MPHOSPH8: variants seen among roughly 807,000 people sequenced by gnomAD.
MPHOSPH8 encodes the protein M-phase phosphoprotein, mpp.
Under a neutral mutation model 87.3 loss-of-function variants are expected in MPHOSPH8, and 45 were observed. The observed-to-expected ratio is 0.52, with a 90% CI of 0.41 to 0.66. MPHOSPH8 has a LOEUF of 0.66. Among genes scored for constraint, MPHOSPH8 ranks in the 30% least tolerant of loss-of-function variants. MPHOSPH8 has a pLI of 0.00. For missense variants in MPHOSPH8, 883 were observed against 1,020.2 expected (o/e 0.87, Z 1.83); for synonymous variants, 366 against 376.9 (o/e 0.97, Z 0.33).
intron 5 of MPHOSPH8, among the ~76,000 whole-genome samples, chr13:19,654,206 C>T (rs972216030): frequency 1.3e-5 from 2 of 152,194 alleles, no homozygotes; most frequent in Non-Finnish European, 2.9e-5. Context: ...ACATCATTCT[C>T]AGCAAACTAA....
intron 5 of MPHOSPH8, among the ~76,000 whole-genome samples, chr13:19,652,181 G>A (rs1017104264): frequency 6.6e-6 from 1 of 152,222 alleles, no homozygotes; most frequent in African/African-American, 2.4e-5. Context: ...AATTCTCAGC[G>A]AGATTGACAC....
At position 19,671,871 on chromosome 13, in the gene MPHOSPH8, A is replaced by G; in HGVS notation, c.2579A>G (p.Gln860Arg). The G allele has an allele frequency of 1.2e-6, 2 of 1,614,126 alleles. No homozygotes were observed. The highest frequency in any genetic ancestry group is 1.7e-6 in the Non-Finnish European group (2 of 1,179,928). The change falls in exon 14 of 14, where the codon CAG becomes CGG. Residue 860 changes from glutamine to arginine, a missense_variant. Transcript: ENST00000361479. ...LLIGAYRVQLQ is the reference protein window; with the variant it reads ...LLIGAYRVQLR ...ATAGGTGCATACAGAGTGCAGCTGC[A>G]GTGACCAAACAGAAGGGACTGGGCG...
At position 19,647,297 on chromosome 13, in the gene MPHOSPH8, G is replaced by C; in HGVS notation, c.1218+6G>C. Reference sequence around the variant, plus strand: ...CCACGGACTCAGCCGAGGAGGTAAGGGCCACGGGAGGCAGCAGAAAACCCA... The same window carrying C: ...CCACGGACTCAGCCGAGGAGGTAAGCGCCACGGGAGGCAGCAGAAAACCCA... On this transcript the variant is annotated splice_donor_region_variant and intron_variant, in intron 3 of 13. Transcript: ENST00000361479. The C allele has an allele frequency of 6.4e-7, 1 of 1,571,204 alleles. No homozygotes were observed. Among genetic ancestry groups the C allele is most frequent in the African/African-American group, 1.4e-5 (1 of 72,484 alleles).
intron 5 of MPHOSPH8, among the ~76,000 whole-genome samples, chr13:19,653,452 G>A (rs1874970501): frequency 6.6e-6 from 1 of 152,208 alleles, no homozygotes; most frequent in Non-Finnish European, 1.5e-5. Flanking sequence ...ACTCCACAAA[G>A]ATGGGGAGAA....
At chr13:19,660,368 A>G (rs1336484588) in intron 7 of MPHOSPH8, among the ~76,000 whole-genome samples, 1 of 151,950 alleles carries the variant, frequency 6.6e-6, no homozygotes, top group African/African-American at 2.4e-5. Flanking sequence ...GTTTTAGGCA[A>G]TCATATCTGT....
intron 9 of MPHOSPH8, among the ~76,000 whole-genome samples, chr13:19,663,670 C>T (rs1875670291): frequency 6.6e-6 from 1 of 152,262 alleles, no homozygotes; most frequent in East Asian, 1.9e-4. Flanking sequence ...CTTAGGGGGC[C>T]CTGCCAGGTC....
intron 4 of MPHOSPH8, among the ~76,000 whole-genome samples, chr13:19,649,748 G>A (rs1196494369): frequency 1.3e-5 from 2 of 152,190 alleles, no homozygotes; most frequent in Admixed American, 6.5e-5. Flanking sequence ...ACAACTGCAG[G>A]TGAGTAGTTC....
chr13:19,666,342 C>G, intron 9 of MPHOSPH8, 83 bp from the exon 10 acceptor site: 1 of 1,386,640 alleles, frequency 7.2e-7, no homozygotes, highest in Non-Finnish European at 9.8e-7. Context: ...TTCACAGAAC[C>G]GCTAAGCATG....
chr13:19,666,368 A>G lies in MPHOSPH8; in HGVS notation c.2020-57A>G, dbSNP rs1875814771. ...GCTAAGCATGTATGGAGAAGGGACCAGCACCCATGCCACAGTTTACAGCTA... is the reference window on the plus strand; with the variant it reads ...GCTAAGCATGTATGGAGAAGGGACCGGCACCCATGCCACAGTTTACAGCTA... On this transcript the variant is annotated intron_variant, in intron 9 of 13. Coordinates refer to ENST00000361479, the MANE Select transcript of MPHOSPH8 (RefSeq NM_017520.4). 11 of 1,524,490 alleles carry G rather than the reference A, an allele frequency of 7.2e-6. No homozygotes were observed. The South Asian group carries it at 1.2e-4, about 17-fold the overall frequency. 94.4% of individuals were successfully genotyped at this position (1,524,490 alleles called of 1,614,324 possible).
chr13:19,666,407 C>G lies in MPHOSPH8; in HGVS notation c.2020-18C>G. On this transcript the variant is annotated intron_variant, in intron 9 of 13. Coordinates refer to ENST00000361479, the MANE Select transcript of MPHOSPH8 (RefSeq NM_017520.4). ...AGTTTACAGCTAAGTAATTGTTACT[C>G]CTTTTTACCTGACGTAGGCCTGTAA... 1 of 1,590,408 alleles carries G rather than the reference C, an allele frequency of 6.3e-7. No homozygotes were observed. Among genetic ancestry groups the G allele is most frequent in the Non-Finnish European group, 8.6e-7 (1 of 1,161,012 alleles).
chr13:19,641,374 G>A (rs544399584), intron 1 of MPHOSPH8, among the ~76,000 whole-genome samples: 2 of 148,894 alleles, frequency 1.3e-5, no homozygotes, highest in African/African-American at 4.9e-5. Context: ...CCAGGCAGGA[G>A]TGCAGTGGCA....
rs534956140 is a variant in MPHOSPH8 at position 19,638,056 on chromosome 13, G to A, written c.214-4059G>A. On this transcript the variant is annotated intron_variant, in intron 1 of 13. Transcript: ENST00000361479. ...GTGGAGCTTGCAGTGAGCAGAGATC[G>A]TGCCACTGCAGTCCAGCCTGGGCGA... Among the ~76,000 whole-genome samples, 19 of 151,214 alleles carry A rather than the reference G, an allele frequency of 1.3e-4. No homozygotes were observed. In the East Asian group the frequency reaches 2.8e-3, roughly 22 times the overall value.
chr13:19,664,014 C>T (rs1156403396), intron 9 of MPHOSPH8, among the ~76,000 whole-genome samples: 2 of 152,170 alleles, frequency 1.3e-5, no homozygotes, highest in Admixed American at 6.5e-5. Context: ...TAAACAGTCT[C>T]CTTCTGTCGC....
chr13:19,654,746 C>T lies in MPHOSPH8; in HGVS notation c.1577-4249C>T, dbSNP rs1460821511. 3.3e-5 allele frequency among the ~76,000 whole-genome samples: 5 copies of T among 152,030 alleles called. No homozygotes were observed. The South Asian group carries it at 8.3e-4, about 25-fold the overall frequency. On this transcript the variant is annotated intron_variant, in intron 5 of 13. Transcript: ENST00000361479. Reference sequence around the variant, plus strand: ...GGTGAATCACCTGAGGTCGGGAGTTCGAGACCAGCCTTACCAACATGGAAA... The same window carrying T: ...GGTGAATCACCTGAGGTCGGGAGTTTGAGACCAGCCTTACCAACATGGAAA...
At chr13:19,670,192 G>C in intron 11 of MPHOSPH8, 44 bp from the exon 12 acceptor site, 1 of 1,611,922 alleles carries the variant, frequency 6.2e-7, no homozygotes, top group South Asian at 1.1e-5. Flanking sequence ...TCTGGGGACT[G>C]AAGGTTGCCT....
chr13:19,656,317 C>CAT (rs1398671927), intron 5 of MPHOSPH8, among the ~76,000 whole-genome samples: 2 of 142,194 alleles, frequency 1.4e-5, no homozygotes, highest in African/African-American at 5.1e-5. Flanking sequence ...TCATCAGATT[C>CAT]ATATTAAAAA....
rs114224303 is a variant in MPHOSPH8 at position 19,634,289 on chromosome 13, A to G, written c.213+328A>G. 3.5e-3 allele frequency among the ~76,000 whole-genome samples: 534 copies of G among 152,270 alleles called. 5 individuals are homozygous for G. Among genetic ancestry groups the G allele is most frequent in the African/African-American group, 0.012 (498 of 41,554 alleles). ...GCGCTTTGGCGTGATATGATAGTGA[A>G]GTAATGCTTCTCGTCGTAGTCCACT... On this transcript the variant is annotated intron_variant, in intron 1 of 13. Coordinates refer to ENST00000361479, the MANE Select transcript of MPHOSPH8 (RefSeq NM_017520.4).
At chr13:19,666,305 T>C in intron 9 of MPHOSPH8, 120 bp from the exon 10 acceptor site, 1 of 1,080,460 alleles carries the variant, frequency 9.3e-7, no homozygotes, top group Non-Finnish European at 1.3e-6. Flanking sequence ...AAGTTCTCTA[T>C]CCTTCTTCCA....
At position 19,673,413 on chromosome 13, in the gene MPHOSPH8, TGGTTTTGTCAATAAAA is replaced by T. The variant is rs1409173961; in HGVS notation, c.*1539_*1554del. The T allele has an allele frequency of 4.1e-6, 1 of 242,342 alleles. No individual in the cohort carries two copies. The highest frequency in any genetic ancestry group is 8.2e-6 in the Non-Finnish European group (1 of 121,404). 15.0% of individuals were successfully genotyped at this position (242,342 alleles called of 1,614,324 possible). On this transcript the variant is annotated 3_prime_UTR_variant, in exon 14 of 14. Transcript: ENST00000361479. ...TACATCCTAAAACTGCCTTTTCCTA[TGGTTTTGTCAATAAAA>T]CACTATGATGTTGGTCTGTTTCCTT...
Sources: allele counts gnomAD v4.1 joint callset (sites outside exome capture counted in the v4.1 genomes callset), GRCh38; gene constraint gnomAD v4.1.1; transcripts MANE v1.5; gene names NCBI Gene and HGNC (gene_info 2026-07-23, HGNC 2026-07-21).